The following IL6ST variants were observed in gnomAD, a reference collection of about 807,000 sequenced individuals.
IL6ST encodes the protein interleukin-6 receptor subunit beta.
A neutral mutation model predicts 91.3 loss-of-function variants in IL6ST; 24 were observed. The observed-to-expected ratio is 0.26, with a 90% CI of 0.19 to 0.37. IL6ST has a LOEUF of 0.37. Ranked by LOEUF, IL6ST falls within the 10% of genes least tolerant of loss-of-function variation. The pLI, the probability that IL6ST is intolerant of heterozygous loss-of-function variation, is 1.00. For missense variants in IL6ST, 914 were observed against 1,078.5 expected (o/e 0.85, Z 2.14); for synonymous variants, 351 against 373.6 (o/e 0.94, Z 0.70).
chr5:55,956,036 C>T lies in IL6ST; in HGVS notation c.1256G>A (p.Cys419Tyr). ...SDAAVLTIPA[C>Y]DFQATHPVMD... ...TCACAGATACAAACCTTGAAAGTCA[C>T]AGGCAGGGATAGTTAAAACAGCTGC... Residue 419 changes from cysteine to tyrosine, a missense_variant, in exon 10 of 17, where the codon TGT becomes TAT. Transcript: ENST00000381298. The T allele has an allele frequency of 6.2e-7, 1 of 1,611,964 alleles. No individual in the cohort carries two copies. The highest frequency in any genetic ancestry group is 8.5e-7 in the Non-Finnish European group (1 of 1,178,098).
intron 3 of IL6ST, among the ~76,000 whole-genome samples, chr5:55,975,388 C>A (rs1377329861): frequency 1.3e-5 from 2 of 152,188 alleles, no homozygotes; most frequent in East Asian, 3.8e-4. Flanking sequence ...TCTGCCATGA[C>A]TGGAAACTTC....
At chr5:55,974,119 T>G (rs1753129050) in intron 3 of IL6ST, among the ~76,000 whole-genome samples, 1 of 152,228 alleles carries the variant, frequency 6.6e-6, no homozygotes, top group Non-Finnish European at 1.5e-5. Flanking sequence ...CATAGTTACG[T>G]AACTTTATAA....
intron 1 of IL6ST, among the ~76,000 whole-genome samples, chr5:55,986,587 T>C (rs1350963568): frequency 2.0e-5 from 3 of 152,262 alleles, no homozygotes; most frequent in Non-Finnish European, 4.4e-5. Context: ...TGATTAGGTT[T>C]AAAGCTATCA....
At chr5:55,960,113 TGA>T (rs1008930145) in intron 8 of IL6ST, among the ~76,000 whole-genome samples, 5 of 152,146 alleles carry the variant, frequency 3.3e-5, no homozygotes, top group African/African-American at 1.2e-4. Flanking sequence ...CTCAAACTCC[TGA>T]CCTTGTGATC....
At chr5:55,960,704 C>T in intron 7 of IL6ST, 143 bp from the exon 8 acceptor site, 1 of 636,522 alleles carries the variant, frequency 1.6e-6, no homozygotes, top group Non-Finnish European at 2.6e-6. Context: ...CTTGGCTCAA[C>T]ACAACCTCTA....
chr5:55,950,104 G>A (rs764538352), intron 14 of IL6ST: 38 of 426,752 alleles, frequency 8.9e-5, no homozygotes, highest in Middle Eastern at 3.6e-4. Context: ...TTATGTGAGA[G>A]AAAAATATAC....
At chr5:55,952,170 C>T (rs1264846016) in intron 12 of IL6ST, 80 bp downstream of exon 12, 2 of 1,482,096 alleles carry the variant, frequency 1.3e-6, no homozygotes, top group African/African-American at 2.8e-5. Flanking sequence ...TGAGATACAT[C>T]TTTATTTAAA....
intron 13 of IL6ST, 72 bp from the exon 14 acceptor site, chr5:55,951,676 G>A (rs1193361778): frequency 5.0e-6 from 7 of 1,412,912 alleles, no homozygotes; most frequent in Non-Finnish European, 6.8e-6. Flanking sequence ...ATTTGGCATT[G>A]TGAAAGTGTT....
chr5:55,964,405 A>G (rs1280860727), intron 5 of IL6ST, 93 bp from the exon 6 acceptor site: 2 of 759,680 alleles, frequency 2.6e-6, no homozygotes, highest in Non-Finnish European at 4.2e-6. Flanking sequence ...GATGAGACCT[A>G]GATTGTTGTA....
chr5:55,967,200 C>G (rs1295908840), intron 5 of IL6ST, among the ~76,000 whole-genome samples: 2 of 149,928 alleles, frequency 1.3e-5, no homozygotes, highest in Middle Eastern at 3.2e-3. Flanking sequence ...ATCCCAGCTA[C>G]TCAGGAGGCT....
In IL6ST at chr5:55,958,950, G is replaced by A. The variant is rs962149897; in HGVS notation, c.973+1452C>T. Among the ~76,000 whole-genome samples the A allele has an allele frequency of 6.6e-5, 10 of 152,094 alleles. 1 individual carries two copies. Among genetic ancestry groups the A allele is most frequent in the Admixed American group, 4.6e-4 (7 of 15,270 alleles). On this transcript the variant is annotated intron_variant, in intron 8 of 16. Transcript: ENST00000381298. ...GCAGACCAGGAAGGCTGGGAAAAAG[G>A]CTGCTGGTACAGAAGTTAAAATAGA...
intron 1 of IL6ST, among the ~76,000 whole-genome samples, chr5:55,990,221 C>A (rs559802471): frequency 1.3e-5 from 2 of 152,036 alleles, no homozygotes; most frequent in Admixed American, 6.5e-5. Flanking sequence ...CTCTTATTCA[C>A]GATCAATCAG....
chr5:55,976,077 TTAAGA>T (rs1367932415), intron 3 of IL6ST, 133 bp downstream of exon 3: 16 of 406,006 alleles, frequency 3.9e-5, no homozygotes, highest in Non-Finnish European at 5.3e-5. Context: ...TAAAATCAAT[TTAAGA>T]TATTATTCTC....
intron 3 of IL6ST, among the ~76,000 whole-genome samples, chr5:55,975,829 C>T (rs1303108263): frequency 2.0e-5 from 3 of 151,656 alleles, no homozygotes; most frequent in Non-Finnish European, 4.4e-5. Flanking sequence ...CCCTTCAATA[C>T]CTGAAGAGCA....
rs1233590642 is a variant in IL6ST at position 55,936,168 on chromosome 5, T to C, written c.*4914A>G. On this transcript the variant is annotated 3_prime_UTR_variant, in exon 17 of 17. Transcript: ENST00000381298. ...CCAGGTGGACTTGCTGACTGATTAG[T>C]TTCATATACTACTTAGTAACCTCAA... 5 of 226,544 alleles carry C rather than the reference T, an allele frequency of 2.2e-5. No homozygotes were observed. 14.0% of individuals were successfully genotyped at this position (226,544 alleles called of 1,614,324 possible). A position where few individuals can be genotyped will look rare whatever the true frequency, so the allele number is the denominator to read the frequency against.
rs1750757007 is a variant in IL6ST at position 55,939,628 on chromosome 5, A to AATC, written c.*1451_*1453dup. On this transcript the variant is annotated 3_prime_UTR_variant, in exon 17 of 17. Coordinates refer to ENST00000381298, the MANE Select transcript of IL6ST (RefSeq NM_002184.4). ...TTGAATTCACTTGATAGCAGTAGTC[A>AATC]ATCACTAATAACGCTTGCTAATTTC... The AATC allele has an allele frequency of 4.9e-6, 1 of 204,016 alleles. No homozygotes were observed. Among genetic ancestry groups the AATC allele is most frequent in the East Asian group, 7.5e-5 (1 of 13,400 alleles). The allele number at this position is 204,016 out of a possible 1,614,324, so 12.6% of individuals were successfully genotyped here.
At chr5:55,976,467 A>C (rs1184921841) in intron 2 of IL6ST, among the ~76,000 whole-genome samples, 174 bp from the exon 3 acceptor site, 1 of 152,208 alleles carries the variant, frequency 6.6e-6, no homozygotes, top group Non-Finnish European at 1.5e-5. Context: ...CACTGAAGTT[A>C]TGGCTATGGA....
chr5:55,955,639 G>A (rs1248821165), intron 10 of IL6ST, among the ~76,000 whole-genome samples: 1 of 152,134 alleles, frequency 6.6e-6, no homozygotes, highest in East Asian at 1.9e-4. Flanking sequence ...AATGAATGAA[G>A]TAGCTTACTG....
At chr5:55,949,725 A>G (rs1317750785) in intron 14 of IL6ST, among the ~76,000 whole-genome samples, 1 of 152,202 alleles carries the variant, frequency 6.6e-6, no homozygotes, top group Admixed American at 6.5e-5. Flanking sequence ...TGACCCTAAC[A>G]GCAAAGCTCA....
Sources: allele counts gnomAD v4.1 joint callset (sites outside exome capture counted in the v4.1 genomes callset), GRCh38; gene constraint gnomAD v4.1.1; transcripts MANE v1.5; gene names NCBI Gene and HGNC (gene_info 2026-07-23, HGNC 2026-07-21).